Variants in ICA1 observed in about 807,000 individuals in gnomAD.
ICA1 encodes islet cell autoantigen 1, also known as 69 kDa islet cell autoantigen.
A neutral mutation model predicts 71.0 loss-of-function variants in ICA1; 40 were observed. The ratio of observed to expected loss-of-function variants is 0.56; its 90% CI spans 0.44 to 0.73. The LOEUF is 0.73. Ranked by LOEUF, ICA1 falls within the 30% of genes least tolerant of loss-of-function variation. The pLI is 0.00. For synonymous variants in ICA1, 207 were observed against 209.5 expected (o/e 0.99, Z 0.10); for missense variants, 578 against 576.5 (o/e 1.00, Z -0.03).
chr7:8,219,186 CA>C (rs35764997), intron 5 of ICA1, among the ~76,000 whole-genome samples: 1 of 151,994 alleles, frequency 6.6e-6, no homozygotes, highest in Admixed American at 6.5e-5. Context: ...TTTACCCAGC[CA>C]AAAAACATTT....
chr7:8,176,464 G>T (rs1780658048), intron 6 of ICA1, among the ~76,000 whole-genome samples: 1 of 152,196 alleles, frequency 6.6e-6, no homozygotes, highest in South Asian at 2.1e-4. Flanking sequence ...ACAAAACCGT[G>T]GTAAGTGCCA....
Position 8,130,246 on chromosome 7 carries a change from G to A in ICA1, c.1061-2104C>T, listed in dbSNP as rs113128750. Among the ~76,000 whole-genome samples, 755 of 152,258 alleles carry A rather than the reference G, an allele frequency of 5.0e-3. 2 individuals carry two copies. The highest frequency in any genetic ancestry group is 8.4e-3 in the African/African-American group (350 of 41,550). ...GGATGGCTGGGTCGAATGGTATTTC[G>A]ACAGTGTGATATTAACAGGGTAGTT... On this transcript the variant is annotated intron_variant, in intron 12 of 13. Coordinates refer to ENST00000402384, the MANE Select transcript of ICA1 (RefSeq NM_001136020.3). This position sits in a 1 kb window ranked among gnomAD's most constrained non-coding sequence, Gnocchi z 4.2.
chr7:8,125,401 C>A (rs117962868), intron 13 of ICA1, among the ~76,000 whole-genome samples: 1 of 152,316 alleles, frequency 6.6e-6, no homozygotes, highest in East Asian at 1.9e-4. Flanking sequence ...GGCATTGGCA[C>A]AGGTTGTTCC....
chr7:8,131,802 T>C (rs979299070), intron 12 of ICA1, among the ~76,000 whole-genome samples: 3 of 152,218 alleles, frequency 2.0e-5, no homozygotes, highest in Non-Finnish European at 4.4e-5. Flanking sequence ...TTGAGAATCA[T>C]GCTATCATTT....
At chr7:8,260,204 C>A (rs957470587) in intron 1 of ICA1, among the ~76,000 whole-genome samples, 1 of 152,056 alleles carries the variant, frequency 6.6e-6, no homozygotes, top group Non-Finnish European at 1.5e-5. Flanking sequence ...ACCTCCATAC[C>A]GCTAATGCTG....
At chr7:8,232,149 A>G (rs1337372199) in intron 3 of ICA1, among the ~76,000 whole-genome samples, 1 of 152,212 alleles carries the variant, frequency 6.6e-6, no homozygotes, top group Admixed American at 6.5e-5. Context: ...GTCTAACTAA[A>G]TATCTCCTTA....
chr7:8,154,203 G>C (rs925626033), intron 8 of ICA1, among the ~76,000 whole-genome samples: 1 of 152,172 alleles, frequency 6.6e-6, no homozygotes, highest in African/African-American at 2.4e-5. Flanking sequence ...TATTTTTCAA[G>C]TATGAAGTGA....
In ICA1 at chr7:8,143,976, G is replaced by T; in HGVS notation, c.805-4C>A. ...TTTTCATAGGGTCTTGTAAGCTCTT[G>T]ATCACGAGCCATAGAAAAATGAAAA... is the stretch of plus-strand genomic sequence containing the variant. On this transcript the variant is annotated splice_polypyrimidine_tract_variant and splice_region_variant and intron_variant, in intron 8 of 13. Coordinates refer to ENST00000402384, the MANE Select transcript of ICA1 (RefSeq NM_001136020.3). 2 of 1,439,464 alleles carry T rather than the reference G, an allele frequency of 1.4e-6. No homozygotes were observed. The highest frequency in any genetic ancestry group is 1.9e-6 in the Non-Finnish European group (2 of 1,034,506). The allele number at this position is 1,439,464 out of a possible 1,614,324, so 89.2% of individuals were successfully genotyped here. A position where few individuals can be genotyped will look rare whatever the true frequency, so the allele number is the denominator to read the frequency against.
chr7:8,209,748 T>TG (rs35806976), intron 6 of ICA1, among the ~76,000 whole-genome samples: 147,879 of 152,184 alleles, frequency 0.97, 71,873 homozygotes, highest in East Asian at 1. Context: ...AAAGGCTCCC[T>TG]GAGGGTCACG....
At chr7:8,166,034 G>C (rs891241302) in intron 6 of ICA1, among the ~76,000 whole-genome samples, 3 of 152,036 alleles carry the variant, frequency 2.0e-5, no homozygotes, top group Non-Finnish European at 4.4e-5. Context: ...ATTTCATATA[G>C]AACCAAAAAA....
At chr7:8,152,718 T>TCCACCACCACCACCA (rs1799600206) in intron 8 of ICA1, among the ~76,000 whole-genome samples, 1 of 30,336 alleles carries the variant, frequency 3.3e-5, no homozygotes, top group Admixed American at 4.0e-4. Context: ...CATCACCTCC[T>TCCACCACCACCACCA]CCACCATCAC....
At chr7:8,151,384 G>C (rs926413898) in intron 8 of ICA1, among the ~76,000 whole-genome samples, 5 of 152,146 alleles carry the variant, frequency 3.3e-5, no homozygotes, top group African/African-American at 1.2e-4. Context: ...AGATTTCAGT[G>C]GTGGCCTTGG....
chr7:8,175,413 T>C (rs1780276411), intron 6 of ICA1, among the ~76,000 whole-genome samples: 1 of 152,206 alleles, frequency 6.6e-6, no homozygotes, highest in Admixed American at 6.5e-5. Flanking sequence ...AAATAAGCAG[T>C]GACAACATTA....
chr7:8,134,660 T>C (rs1033103708), intron 12 of ICA1, among the ~76,000 whole-genome samples: 4 of 152,044 alleles, frequency 2.6e-5, no homozygotes, highest in Non-Finnish European at 1.5e-5. Flanking sequence ...AGGGGGAAGA[T>C]AGGGAGGAAA....
At chr7:8,259,454 C>G (rs1057454069) in intron 1 of ICA1, among the ~76,000 whole-genome samples, 1 of 152,176 alleles carries the variant, frequency 6.6e-6, no homozygotes, top group South Asian at 2.1e-4. Flanking sequence ...ATTATTTGAA[C>G]TACTCAAAAC....
chr7:8,242,367 A>T (rs908782696), intron 1 of ICA1, among the ~76,000 whole-genome samples: 1 of 152,156 alleles, frequency 6.6e-6, no homozygotes, highest in Non-Finnish European at 1.5e-5. Flanking sequence ...TTGAAACCAA[A>T]GAGAACAAAG....
intron 6 of ICA1, among the ~76,000 whole-genome samples, chr7:8,171,748 T>G (rs1808442456): frequency 6.6e-6 from 1 of 151,986 alleles, no homozygotes; most frequent in Non-Finnish European, 1.5e-5. Context: ...ATTAATGGTT[T>G]TAATTTCCCT....
rs754964091 is a variant in ICA1, at chr7:8,218,489, T to C, written c.395A>G (p.Asn132Ser). The C allele has an allele frequency of 2.9e-5, 46 of 1,613,900 alleles. No homozygotes were observed. In the South Asian group the frequency reaches 3.6e-4, roughly 13 times the overall value. The change falls in exon 6 of 14, where the codon AAT becomes AGT. Residue 132 changes from asparagine (N) to serine (S), a missense_variant. Coordinates refer to ENST00000402384, the MANE Select transcript of ICA1 (RefSeq NM_001136020.3). ...FSSQQRLALR[N>S]PLCRFHQEVE... The stretch of plus-strand genomic sequence containing the variant: ...TTCTTGGTGAAATCGACACAAAGGA[T>C]TTCGTAAGGCCAACCTAGACAAGAG...
rs1790926742 is a variant in ICA1 at position 8,130,181 on chromosome 7, C to A, written c.1061-2039G>T. Among the ~76,000 whole-genome samples, 1 of 152,194 alleles carries A rather than the reference C, an allele frequency of 6.6e-6. No homozygotes were observed. Among genetic ancestry groups the A allele is most frequent in the South Asian group, 2.1e-4 (1 of 4,830 alleles). Reference sequence around the variant, plus strand: ...CATACGTGGGCATGTGTCTTTATAGCAGCATGATTTATAATCCTTTGGGTC... The same window carrying A: ...CATACGTGGGCATGTGTCTTTATAGAAGCATGATTTATAATCCTTTGGGTC... On this transcript the variant is annotated intron_variant, in intron 12 of 13. Coordinates refer to ENST00000402384, the MANE Select transcript of ICA1 (RefSeq NM_001136020.3). This position sits in a 1 kb window ranked among gnomAD's most constrained non-coding sequence, Gnocchi z 4.2.
Sources: gnomAD v4.1 joint callset for allele counts (sites outside exome capture counted in the v4.1 genomes callset) on GRCh38, gnomAD v4.1.1 for gene constraint, Gnocchi (gnomAD v3.1) non-coding constraint, MANE v1.5 for transcripts, NCBI Gene and HGNC (gene_info 2026-07-23, HGNC 2026-07-21) for gene names.